Variants in LPP observed in about 807,000 individuals in gnomAD.
LPP encodes LIM domain containing preferred translocation partner in lipoma, also known as lipoma-preferred partner.
In LPP, 38 loss-of-function variants were observed where a neutral mutation model predicts 60.4. The observed-to-expected ratio is 0.63, with a 90% CI of 0.49 to 0.83. The LOEUF is 0.83. Among genes scored for constraint, LPP ranks in the 40% least tolerant of loss-of-function variants. LPP has a pLI of 0.00. For synonymous variants in LPP, 328 were observed against 290.8 expected (o/e 1.13, Z -1.30); for missense variants, 902 against 783.6 (o/e 1.15, Z -1.80).
chr3:188,778,041 T>G (rs971233581), intron 9 of LPP, among the ~76,000 whole-genome samples: 4 of 152,236 alleles, frequency 2.6e-5, no homozygotes, highest in African/African-American at 9.6e-5. Flanking sequence ...TCAAAATAGT[T>G]TTTAATCAGC....
chr3:188,484,575 T>C lies in LPP; in HGVS notation c.194-17T>C, dbSNP rs772173422. ...TGCATCCTTATTAACTTCATGTTGT[T>C]TACTTCTTTTCTGTAGGTGATTTTC... On this transcript the variant is annotated splice_polypyrimidine_tract_variant and intron_variant, in intron 4 of 11. Transcript: ENST00000617246. 2 of 1,550,442 alleles carry C rather than the reference T, an allele frequency of 1.3e-6. No homozygotes were observed. The highest frequency in any genetic ancestry group is 1.8e-6 in the Non-Finnish European group (2 of 1,122,948).
intron 2 of LPP, among the ~76,000 whole-genome samples, chr3:188,278,645 C>T (rs1312024698): frequency 6.6e-6 from 1 of 151,962 alleles, no homozygotes; most frequent in Non-Finnish European, 1.5e-5. Flanking sequence ...TTTCAGATCT[C>T]CTCTCGGTGT....
intron 9 of LPP, among the ~76,000 whole-genome samples, chr3:188,852,110 G>A (rs1849475): frequency 0.12 from 18,319 of 152,242 alleles, 1,557 homozygotes; most frequent in Non-Finnish European, 0.18. Flanking sequence ...GTTGCAGTGA[G>A]CTGAGATCAT....
intron 8 of LPP, among the ~76,000 whole-genome samples, chr3:188,739,210 A>G (rs1488399436): frequency 1.3e-5 from 2 of 152,132 alleles, no homozygotes; most frequent in Non-Finnish European, 1.5e-5. Context: ...GAAAAAATGG[A>G]CCACAGTTTT....
At chr3:188,295,382 G>A (rs945131819) in intron 2 of LPP, among the ~76,000 whole-genome samples, 2 of 152,146 alleles carry the variant, frequency 1.3e-5, no homozygotes, top group African/African-American at 2.4e-5. Flanking sequence ...CTCAGGGCTC[G>A]CTATTCATCT....
At chr3:188,781,395 T>G (rs1426426731) in intron 9 of LPP, among the ~76,000 whole-genome samples, 2 of 152,078 alleles carry the variant, frequency 1.3e-5, no homozygotes, top group East Asian at 3.9e-4. Context: ...GAAGTTTGTA[T>G]TAATCCGTTT....
intron 2 of LPP, among the ~76,000 whole-genome samples, chr3:188,318,980 G>C (rs1375831556): frequency 1.3e-5 from 2 of 151,574 alleles, no homozygotes; most frequent in Admixed American, 6.6e-5. Flanking sequence ...GGATGGTCTC[G>C]ATCTCCTGAC....
At chr3:188,530,873 A>G (rs775512911) in intron 6 of LPP, among the ~76,000 whole-genome samples, 4 of 152,366 alleles carry the variant, frequency 2.6e-5, no homozygotes, top group East Asian at 3.9e-4. Flanking sequence ...ATTTGTTAGT[A>G]TAAGTACAGC....
At chr3:188,348,762 T>C (rs73192631) in intron 3 of LPP, among the ~76,000 whole-genome samples, 1,602 of 152,300 alleles carry the variant, frequency 0.011, 13 homozygotes, top group Middle Eastern at 0.02. Context: ...CTCATTAGTG[T>C]TTGAGAAACA....
chr3:188,551,352 C>T (rs1253507224), intron 6 of LPP, among the ~76,000 whole-genome samples: 3 of 152,200 alleles, frequency 2.0e-5, no homozygotes, highest in African/African-American at 7.2e-5. Context: ...TTATCTCCCA[C>T]TGGGTCTCTC....
Position 188,744,618 on chromosome 3 carries a change from A to C in LPP, c.1241-15495A>C, listed in dbSNP as rs112736479. Among the ~76,000 whole-genome samples, 1,155 of 152,248 alleles carry C rather than the reference A, an allele frequency of 7.6e-3. 21 individuals are homozygous for C. The highest frequency in any genetic ancestry group is 0.026 in the African/African-American group (1,087 of 41,570). On this transcript the variant is annotated intron_variant, in intron 8 of 11. Coordinates refer to ENST00000617246, the MANE Select transcript of LPP (RefSeq NM_001375462.1). ...AGATAATGCCTACCTGATAGGTGGC[A>C]TAGGAAAAGGTCAAAAACATTATTT...
rs1396110101 is a variant in LPP at position 188,785,475 on chromosome 3, ATATATATATATT to A, written c.1410+25194_1410+25205del. ...TTCCATCATATATATATATTCCATC[ATATATATATATT>A]CATCATATATATATATTCCATCATA... On this transcript the variant is annotated intron_variant, in intron 9 of 11. Transcript: ENST00000617246. Among the ~76,000 whole-genome samples the A allele has an allele frequency of 1.2e-4, 6 of 48,038 alleles. 2 individuals carry two copies. Among genetic ancestry groups the A allele is most frequent in the African/African-American group, 4.7e-4 (5 of 10,582 alleles). The allele number at this position is 48,038 out of a possible 152,430, so 31.5% of individuals were successfully genotyped here. A position where few individuals can be genotyped will look rare whatever the true frequency, so the allele number is the denominator to read the frequency against.
At position 188,794,686 on chromosome 3, in the gene LPP, T is replaced by G. The variant is rs140777621; in HGVS notation, c.1410+34404T>G. Among the ~76,000 whole-genome samples, 141 of 151,966 alleles carry G rather than the reference T, an allele frequency of 9.3e-4. 2 individuals carry two copies. The East Asian group carries it at 0.021, about 23-fold the overall frequency. Reference sequence around the variant, plus strand: ...CTACCTCAGGGGGTCCTTGTGCACCTCACTAAGGAAGGTCTTTGGCAGAGG... The same window carrying G: ...CTACCTCAGGGGGTCCTTGTGCACCGCACTAAGGAAGGTCTTTGGCAGAGG... On this transcript the variant is annotated intron_variant, in intron 9 of 11. Transcript: ENST00000617246.
At chr3:188,416,665 C>A (rs1786360296) in intron 4 of LPP, among the ~76,000 whole-genome samples, 1 of 152,152 alleles carries the variant, frequency 6.6e-6, no homozygotes. Flanking sequence ...ATTCTTTTCC[C>A]TCAGTGCTTT....
At chr3:188,241,076 A>T (rs1724506515) in intron 2 of LPP, among the ~76,000 whole-genome samples, 1 of 152,228 alleles carries the variant, frequency 6.6e-6, no homozygotes, top group African/African-American at 2.4e-5. Context: ...AAATGGGCAC[A>T]GTTTTATCAG....
intron 4 of LPP, among the ~76,000 whole-genome samples, chr3:188,467,836 T>A (rs1048867389): frequency 4.6e-5 from 7 of 152,144 alleles, no homozygotes; most frequent in African/African-American, 1.7e-4. Context: ...CAGAAAGGAA[T>A]GCTGCCCTGC....
intron 4 of LPP, among the ~76,000 whole-genome samples, chr3:188,438,644 C>T (rs976292733): frequency 2.0e-5 from 3 of 152,136 alleles, no homozygotes; most frequent in Non-Finnish European, 4.4e-5. Context: ...GGACTAGAAT[C>T]TCATAGGTTT....
chr3:188,391,808 G>A (rs1274930248), intron 3 of LPP, among the ~76,000 whole-genome samples: 1 of 151,648 alleles, frequency 6.6e-6, no homozygotes, highest in Non-Finnish European at 1.5e-5. Flanking sequence ...TTTTTGTCAC[G>A]GCTGCTTTTT....
At chr3:188,245,726 T>C (rs1726705835) in intron 2 of LPP, among the ~76,000 whole-genome samples, 1 of 152,098 alleles carries the variant, frequency 6.6e-6, no homozygotes, top group Non-Finnish European at 1.5e-5. Flanking sequence ...ATTTCTTTTG[T>C]AGACACGAGG....
Sources: allele counts gnomAD v4.1 joint callset (sites outside exome capture counted in the v4.1 genomes callset), GRCh38; gene constraint gnomAD v4.1.1; transcripts MANE v1.5; gene names NCBI Gene and HGNC (gene_info 2026-07-23, HGNC 2026-07-21).